The following CADM2 variants were observed in gnomAD, a reference collection of about 807,000 sequenced individuals.
CADM2 encodes the protein cell adhesion molecule 2, also known as immunoglobulin superfamily member 4D.
A neutral mutation model predicts 49.8 loss-of-function variants in CADM2; 12 were observed. That is an observed-to-expected ratio of 0.24 (90% CI 0.15 to 0.39). The LOEUF is 0.39. CADM2 is among the 10% of genes least tolerant of loss of function. CADM2 has a pLI of 1.00. For missense variants in CADM2, 378 were observed against 492.3 expected, an observed-to-expected ratio of 0.77 and a Z score of 2.20; for synonymous variants, 214 against 175.4, an observed-to-expected ratio of 1.22 and a Z score of -1.74.
intron 1 of CADM2, among the ~76,000 whole-genome samples, chr3:85,122,119 GT>G (rs1402598088): frequency 6.6e-6 from 1 of 151,462 alleles, no homozygotes; most frequent in East Asian, 1.9e-4. Context: ...CTCTCATCCT[GT>G]TTATAAGGAA....
At chr3:85,347,223 C>CAAAAAAAAAAAAAAAAAAAAAAAAAAAAA (rs11331703) in intron 1 of CADM2, among the ~76,000 whole-genome samples, 1 of 46,138 alleles carries the variant, frequency 2.2e-5, no homozygotes, top group Non-Finnish European at 3.4e-5. Flanking sequence ...CTCTGTCTCA[C>CAAAAAAAAAAAAAAAAAAAAAAAAAAAAA]AAAAAAAAAA....
intron 1 of CADM2, among the ~76,000 whole-genome samples, chr3:85,290,088 C>T (rs556933054): frequency 1.7e-4 from 26 of 151,960 alleles, no homozygotes; most frequent in Non-Finnish European, 2.5e-4. Flanking sequence ...GTGTGTGCAC[C>T]GTGGGCGATC....
At chr3:85,259,196 G>C (rs112214395) in intron 1 of CADM2, among the ~76,000 whole-genome samples, 3 of 152,094 alleles carry the variant, frequency 2.0e-5, no homozygotes, top group Non-Finnish European at 4.4e-5. Flanking sequence ...GGCAACAAAA[G>C]CACAGTCAAG....
intron 1 of CADM2, among the ~76,000 whole-genome samples, chr3:85,544,833 AAAG>A (rs142415661): frequency 0.51 from 77,275 of 151,254 alleles, 22,792 homozygotes; most frequent in East Asian, 0.85. Context: ...AAAAAAAAGA[AAAG>A]AAAAGGAGAA....
chr3:85,816,104 T>C (rs528687606), intron 3 of CADM2, among the ~76,000 whole-genome samples: 62 of 151,592 alleles, frequency 4.1e-4, no homozygotes, highest in African/African-American at 1.4e-3. Flanking sequence ...TAAAGTTTAC[T>C]GTTTAACTTT....
intron 1 of CADM2, among the ~76,000 whole-genome samples, chr3:85,087,415 A>G (rs572612309): frequency 3.0e-4 from 46 of 152,316 alleles, no homozygotes; most frequent in African/African-American, 1.1e-3. Flanking sequence ...AGCAAATAAA[A>G]TTATTCCTCT....
At chr3:85,052,629 T>C (rs1005682755) in intron 1 of CADM2, among the ~76,000 whole-genome samples, 2 of 152,086 alleles carry the variant, frequency 1.3e-5, no homozygotes, top group Non-Finnish European at 2.9e-5. Flanking sequence ...CTCTAAATTC[T>C]AAGGAACAGA....
intron 8 of CADM2, among the ~76,000 whole-genome samples, chr3:85,965,962 G>C (rs1037820525): frequency 5.3e-5 from 8 of 151,546 alleles, no homozygotes; most frequent in African/African-American, 1.7e-4. Context: ...GAACATCTAC[G>C]GAAAGTGAGA....
At chr3:85,192,573 C>T (rs1415072454) in intron 1 of CADM2, among the ~76,000 whole-genome samples, 3 of 125,712 alleles carry the variant, frequency 2.4e-5, no homozygotes, top group African/African-American at 9.2e-5. Flanking sequence ...TATATATGTA[C>T]ATATACACAC....
intron 3 of CADM2, among the ~76,000 whole-genome samples, chr3:85,810,111 C>G (rs997513462): frequency 3.9e-5 from 6 of 152,014 alleles, no homozygotes; most frequent in African/African-American, 1.5e-4. Context: ...ACTTTGGTGT[C>G]TGTAAGAGAA....
chr3:85,254,343 C>A (rs1304489947), intron 1 of CADM2, among the ~76,000 whole-genome samples: 1 of 151,956 alleles, frequency 6.6e-6, no homozygotes, highest in Non-Finnish European at 1.5e-5. Context: ...TAAACCTAGT[C>A]ATTTTGGGGT....
At chr3:85,225,768 A>G (rs2042145222) in intron 1 of CADM2, among the ~76,000 whole-genome samples, 1 of 152,192 alleles carries the variant, frequency 6.6e-6, no homozygotes, top group South Asian at 2.1e-4. Flanking sequence ...ATTTTGAGAT[A>G]TGTTCCATCA....
chr3:86,058,013 T>C (rs1427015731), intron 8 of CADM2, among the ~76,000 whole-genome samples: 2 of 152,320 alleles, frequency 1.3e-5, no homozygotes, highest in Non-Finnish European at 2.9e-5. Flanking sequence ...GAGATAACTA[T>C]GATTTTTCTG....
intron 5 of CADM2, among the ~76,000 whole-genome samples, chr3:85,891,753 T>C (rs1714462085): frequency 6.6e-6 from 1 of 152,164 alleles, no homozygotes; most frequent in Admixed American, 6.5e-5. Flanking sequence ...AGTGAGAACA[T>C]GGGGACATCA....
chr3:85,899,498 T>C (rs1715803740), intron 5 of CADM2, among the ~76,000 whole-genome samples: 1 of 152,144 alleles, frequency 6.6e-6, no homozygotes, highest in Non-Finnish European at 1.5e-5. Context: ...GTAGACAGCA[T>C]TTTCGTGCTT....
chr3:85,703,325 A>G (rs548782176), intron 1 of CADM2, among the ~76,000 whole-genome samples: 14 of 151,784 alleles, frequency 9.2e-5, no homozygotes, highest in South Asian at 6.2e-4. Flanking sequence ...TCTTTTTTCC[A>G]CTCTACTTCT....
At chr3:85,061,736 A>G (rs921360340) in intron 1 of CADM2, among the ~76,000 whole-genome samples, 6 of 152,146 alleles carry the variant, frequency 3.9e-5, no homozygotes, top group South Asian at 2.1e-4. Context: ...TGTGAAAAAC[A>G]TAGATACATA....
intron 7 of CADM2, among the ~76,000 whole-genome samples, chr3:85,948,250 A>C (rs1415239035): frequency 6.6e-6 from 1 of 151,550 alleles, no homozygotes; most frequent in Non-Finnish European, 1.5e-5. Flanking sequence ...AAATTGAAAT[A>C]CTATGATTAT....
intron 1 of CADM2, among the ~76,000 whole-genome samples, chr3:85,562,554 A>G (rs1375909071): frequency 1.3e-5 from 2 of 151,614 alleles, no homozygotes; most frequent in Non-Finnish European, 2.9e-5. Context: ...CATAATTCTG[A>G]CACATGGTAG....
Sources: gnomAD v4.1 joint callset for allele counts (sites outside exome capture counted in the v4.1 genomes callset) on GRCh38, gnomAD v4.1.1 for gene constraint, MANE v1.5 for transcripts, NCBI Gene and HGNC (gene_info 2026-07-23, HGNC 2026-07-21) for gene names.